Variants in SLC24A3 observed in about 807,000 individuals in gnomAD.
The protein encoded by SLC24A3 is solute carrier family 24 member 3.
A neutral mutation model predicts 75.8 loss-of-function variants in SLC24A3; 28 were observed. The ratio of observed to expected loss-of-function variants is 0.37; its 90% confidence interval spans 0.27 to 0.51. The LOEUF is 0.51. Among genes scored for constraint, SLC24A3 ranks in the 20% least tolerant of loss-of-function variants. The probability of loss-of-function intolerance (pLI) is 0.94; values close to 1 mark genes in which losing one functional copy is unlikely to be tolerated. For synonymous variants in SLC24A3, 372 were observed against 334.1 expected (o/e 1.11, Z -1.24); for missense variants, 663 against 847.8 (o/e 0.78, Z 2.71).
chr20:19,419,962 A>G lies in SLC24A3; in HGVS notation c.272-95526A>G, dbSNP rs553464048. Among the ~76,000 whole-genome samples the G allele has an allele frequency of 1.0e-4, 10 of 99,772 alleles. No homozygotes were observed. In the East Asian group the frequency reaches 2.4e-3, roughly 24 times the overall value. The allele number at this position is 99,772 out of a possible 152,430, so 65.5% of individuals were successfully genotyped here. A position where few individuals can be genotyped will look rare whatever the true frequency, so the allele number is the denominator to read the frequency against. On this transcript the variant is annotated intron_variant, in intron 2 of 16. Coordinates refer to ENST00000328041, the MANE Select transcript of SLC24A3 (RefSeq NM_020689.4). ...CATCTAGCATTAGGTATATCTCCCA[A>G]TGCTATCCCTCCCCCCTCCCCCGAC... is the stretch of plus-strand genomic sequence containing the variant.
chr20:19,214,059 AC>A (rs1981484288), intron 1 of SLC24A3, among the ~76,000 whole-genome samples: 1 of 152,220 alleles, frequency 6.6e-6, no homozygotes, highest in African/African-American at 2.4e-5. Context: ...TTTGATAGTC[AC>A]CGTAAAATAT....
chr20:19,227,281 C>T (rs982095025), intron 1 of SLC24A3, among the ~76,000 whole-genome samples: 3 of 152,130 alleles, frequency 2.0e-5, no homozygotes, highest in East Asian at 1.9e-4. Flanking sequence ...AGGGTTTGCT[C>T]ATATCCAGTC....
chr20:19,329,631 G>A (rs1984952010), intron 2 of SLC24A3, among the ~76,000 whole-genome samples: 2 of 152,180 alleles, frequency 1.3e-5, no homozygotes, highest in Admixed American at 1.3e-4. Context: ...TGAATTTGTT[G>A]CCTAGTTTGC....
rs1256652778 is a variant in SLC24A3, at chr20:19,722,462, A to G, written c.*1322A>G. ...TAAGTTATTGTGAACGTTTTTGCCA[A>G]TCACTGCTCAACAGCCCTGCTAGAT... On this transcript the variant is annotated 3_prime_UTR_variant, in exon 17 of 17. Coordinates refer to ENST00000328041, the MANE Select transcript of SLC24A3 (RefSeq NM_020689.4). 1.3e-5 allele frequency: 2 copies of G among 152,702 alleles called. No individual in the cohort carries two copies. Among genetic ancestry groups the G allele is most frequent in the Admixed American group, 6.5e-5 (1 of 15,290 alleles). The allele number at this position is 152,702 out of a possible 1,614,324, so 9.5% of individuals were successfully genotyped here. A position where few individuals can be genotyped will look rare whatever the true frequency, so the allele number is the denominator to read the frequency against.
At position 19,238,966 on chromosome 20, in the gene SLC24A3, G is replaced by GCACACACA. The variant is rs60649887; in HGVS notation, c.142+25998_142+26005dup. On this transcript the variant is annotated intron_variant, in intron 1 of 16. Transcript: ENST00000328041. ...TCACCCAGCACACACATGGGCGCATGCACACACACACACACACACACACCT... is the reference window on the plus strand; with the variant it reads ...TCACCCAGCACACACATGGGCGCATGCACACACACACACACACACACACACACACACCT... Among the ~76,000 whole-genome samples the GCACACACA allele has an allele frequency of 4.1e-3, 611 of 148,962 alleles. 4 individuals are homozygous for GCACACACA. The highest frequency in any genetic ancestry group is 0.012 in the African/African-American group (468 of 40,462).
chr20:19,397,430 G>A (rs1986473468), intron 2 of SLC24A3, among the ~76,000 whole-genome samples: 1 of 152,098 alleles, frequency 6.6e-6, no homozygotes, highest in Admixed American at 6.5e-5. Flanking sequence ...CCCAACAGTT[G>A]GAAAGAAAAC....
chr20:19,221,159 G>A (rs1401667328), intron 1 of SLC24A3, among the ~76,000 whole-genome samples: 3 of 152,188 alleles, frequency 2.0e-5, no homozygotes, highest in Admixed American at 2.0e-4. Flanking sequence ...CTAGGCTCAA[G>A]CAATCCTCCT....
chr20:19,643,636 A>G (rs1352050145), intron 6 of SLC24A3, among the ~76,000 whole-genome samples: 3 of 152,238 alleles, frequency 2.0e-5, no homozygotes, highest in Non-Finnish European at 4.4e-5. Flanking sequence ...TGCCAGTGTA[A>G]TAATGTATGT....
Position 19,681,882 on chromosome 20 carries a change from C to A in SLC24A3, c.792C>A (p.Cys264Ter). The change falls in exon 10 of 17, where the codon TGC becomes TGA. Residue 264 changes from cysteine (C) to a stop codon, truncating the protein, a stop_gained. Transcript: ENST00000328041. LOFTEE classifies it high-confidence loss of function. ...GATATAACGCTTGCATACATCAGTGCTTTGAGAGGAGGACAAAAGGTGCCG... is the reference window on the plus strand; with the variant it reads ...GATATAACGCTTGCATACATCAGTGATTTGAGAGGAGGACAAAAGGTGCCG... Reference protein sequence around the residue: ...IMKYNACIHQCFERRTKGAGN... With the variant: ...IMKYNACIHQ The A allele has an allele frequency of 6.2e-7, 1 of 1,614,128 alleles. No homozygotes were observed. Among genetic ancestry groups the A allele is most frequent in the Non-Finnish European group, 8.5e-7 (1 of 1,180,016 alleles).
intron 2 of SLC24A3, among the ~76,000 whole-genome samples, chr20:19,439,596 T>A (rs1335556364): frequency 6.6e-6 from 1 of 152,190 alleles, no homozygotes; most frequent in Non-Finnish European, 1.5e-5. Flanking sequence ...TTACTAATAA[T>A]AGCCTGATTC....
intron 2 of SLC24A3, among the ~76,000 whole-genome samples, chr20:19,472,024 G>T (rs1363849518): frequency 6.6e-6 from 1 of 152,120 alleles, no homozygotes; most frequent in Admixed American, 6.5e-5. Flanking sequence ...TTCAATTTTT[G>T]CAAATATTTA....
intron 2 of SLC24A3, among the ~76,000 whole-genome samples, chr20:19,504,016 G>T (rs530647597): frequency 1.3e-5 from 2 of 152,258 alleles, no homozygotes; most frequent in South Asian, 2.1e-4. Context: ...AATAAGGAGC[G>T]CACATGTCCC....
At chr20:19,694,070 C>T (rs1394541218) in intron 13 of SLC24A3, 1 of 152,214 alleles carries the variant, frequency 6.6e-6, no homozygotes, top group Non-Finnish European at 1.5e-5. Flanking sequence ...ACTCAAGGGT[C>T]CCTTCTGAGG....
intron 2 of SLC24A3, among the ~76,000 whole-genome samples, chr20:19,506,280 T>C (rs986944807): frequency 2.0e-5 from 3 of 152,238 alleles, no homozygotes; most frequent in Admixed American, 2.0e-4. Flanking sequence ...TTTTGATTGA[T>C]AGTTTAATGA....
intron 1 of SLC24A3, among the ~76,000 whole-genome samples, chr20:19,218,669 G>A (rs1296934002): frequency 1.3e-5 from 2 of 150,248 alleles, no homozygotes; most frequent in Admixed American, 6.6e-5. Context: ...TCCTCCACTT[G>A]CAAGCCTCAA....
At chr20:19,716,295 CTATT>C (rs767183564) in intron 15 of SLC24A3, among the ~76,000 whole-genome samples, 2 of 152,050 alleles carry the variant, frequency 1.3e-5, no homozygotes, top group Non-Finnish European at 2.9e-5. Flanking sequence ...ATGAAAGAAA[CTATT>C]TGGCCTTTGT....
chr20:19,513,989 CCACTTGCTG>C (rs1300765969), intron 2 of SLC24A3, among the ~76,000 whole-genome samples: 5 of 152,326 alleles, frequency 3.3e-5, no homozygotes, highest in Admixed American at 1.3e-4. Flanking sequence ...TAACTGTCCC[CCACTTGCTG>C]TACTTTGGAA....
At position 19,654,125 on chromosome 20, in the gene SLC24A3, G is replaced by A. The variant is rs778053627; in HGVS notation, c.676G>A (p.Ala226Thr). The A allele has an allele frequency of 1.6e-5, 26 of 1,613,478 alleles. No homozygotes were observed. The highest frequency in any genetic ancestry group is 2.7e-5 in the African/African-American group (2 of 74,816). Residue 226 changes from alanine to threonine, a missense_variant, in exon 7 of 17, where the codon GCG becomes ACG. Coordinates refer to ENST00000328041, the MANE Select transcript of SLC24A3 (RefSeq NM_020689.4). ...TATTTACTACACGCTGTCTGTGATC[G>A]CGCTCATCGTGGTGAGTCACTCTGG... ...DSIYYTLSVI[A>T]LIVFIYDEKV...
At chr20:19,411,398 T>C (rs1038087543) in intron 2 of SLC24A3, among the ~76,000 whole-genome samples, 28 of 152,222 alleles carry the variant, frequency 1.8e-4, no homozygotes, top group African/African-American at 6.5e-4. Context: ...TCCTGTTAGT[T>C]GGCAGGACAG....
Sources: allele counts gnomAD v4.1 joint callset (sites outside exome capture counted in the v4.1 genomes callset), GRCh38; gene constraint gnomAD v4.1.1; transcripts MANE v1.5; gene names NCBI Gene and HGNC (gene_info 2026-07-23, HGNC 2026-07-21).